The following HIBCH variants were observed in gnomAD, a reference collection of about 807,000 sequenced individuals.
The protein encoded by HIBCH is 3-hydroxyisobutyryl-CoA hydrolase.
In HIBCH, 50 loss-of-function variants were observed where a neutral mutation model predicts 58.2. The ratio of observed to expected loss-of-function variants is 0.86; its 90% CI spans 0.68 to 1.09. The LOEUF (loss-of-function observed/expected upper bound fraction) is 1.09. HIBCH is among the 50% of genes least tolerant of loss of function. HIBCH has a pLI of 0.00. For synonymous variants in HIBCH, 151 were observed against 146.9 expected (o/e 1.03, Z -0.20); for missense variants, 450 against 449.7 (o/e 1.00, Z -0.01).
At chr2:190,301,486 G>A (rs906916) in intron 2 of HIBCH, among the ~76,000 whole-genome samples, 79,764 of 152,034 alleles carry the variant, frequency 0.52, 22,009 homozygotes, top group South Asian at 0.6. Flanking sequence ...GGGAGAGGGA[G>A]TTGGGGGAAG....
chr2:190,202,388 GT>G (rs1690272813), downstream of HIBCH: 1 of 166,990 alleles, frequency 6.0e-6, no homozygotes, highest in African/African-American at 2.4e-5. Flanking sequence ...CAGTGAGCTA[GT>G]GGATAAATCA....
chr2:190,206,601 A>T lies in HIBCH; in HGVS notation c.1046-1369T>A, dbSNP rs1204465717. On this transcript the variant is annotated intron_variant, in intron 13 of 13. Coordinates refer to ENST00000359678, the MANE Select transcript of HIBCH (RefSeq NM_014362.4). This position sits in a 1 kb window ranked among gnomAD's most constrained non-coding sequence, Gnocchi z 5.1. Reference sequence around the variant, plus strand: ...TTTGAGTGGGTATCCAGCTCCACTAAGATGGTCTTTTTTTCTTCTTCTATA... The same window carrying T: ...TTTGAGTGGGTATCCAGCTCCACTATGATGGTCTTTTTTTCTTCTTCTATA... 6.6e-6 allele frequency among the ~76,000 whole-genome samples: 1 copy of T among 152,194 alleles called. No individual in the cohort carries two copies. Among genetic ancestry groups the T allele is most frequent in the Non-Finnish European group, 1.5e-5 (1 of 68,032 alleles).
intron 6 of HIBCH, among the ~76,000 whole-genome samples, chr2:190,278,129 C>T (rs1319090163): frequency 1.3e-5 from 2 of 152,122 alleles, no homozygotes. Context: ...CTAGAATCAT[C>T]ATTACCTGAG....
Position 190,286,613 on chromosome 2 carries a change from C to T in HIBCH, c.438+973G>A, listed in dbSNP as rs995646261. Reference sequence around the variant, plus strand: ...TTCTGACCCCTCACTTCTTCAAAGGCTAATCTTTGTCAGTACCATACAATT... The same window carrying T: ...TTCTGACCCCTCACTTCTTCAAAGGTTAATCTTTGTCAGTACCATACAATT... On this transcript the variant is annotated intron_variant, in intron 6 of 13. Transcript: ENST00000359678. Among the ~76,000 whole-genome samples the T allele has an allele frequency of 3.3e-5, 5 of 152,196 alleles. No individual in the cohort carries two copies. The South Asian group carries it at 8.3e-4, about 25-fold the overall frequency.
At chr2:190,271,224 C>A (rs1687389218) in intron 6 of HIBCH, among the ~76,000 whole-genome samples, 1 of 150,858 alleles carries the variant, frequency 6.6e-6, no homozygotes, top group Non-Finnish European at 1.5e-5. Flanking sequence ...CCCATCAAGT[C>A]TTCTCCAAAA....
chr2:190,246,331 T>C, intron 9 of HIBCH, 119 bp from the exon 10 acceptor site: 1 of 651,020 alleles, frequency 1.5e-6, no homozygotes, highest in Non-Finnish European at 2.7e-6. Flanking sequence ...TCAAATTACA[T>C]CTAACTGTCT....
intron 6 of HIBCH, among the ~76,000 whole-genome samples, chr2:190,273,555 A>G (rs1354201010): frequency 6.6e-6 from 1 of 152,186 alleles, no homozygotes; most frequent in Non-Finnish European, 1.5e-5. Flanking sequence ...TGAATAATCA[A>G]TATAGATAAA....
At chr2:190,223,310 G>A (rs1424628622) in intron 11 of HIBCH, among the ~76,000 whole-genome samples, 1 of 152,282 alleles carries the variant, frequency 6.6e-6, no homozygotes, top group East Asian at 1.9e-4. Context: ...ATGTTGCCCA[G>A]GCTGGCCTCA....
chr2:190,240,660 G>A (rs1246928344), intron 11 of HIBCH, among the ~76,000 whole-genome samples: 5 of 152,148 alleles, frequency 3.3e-5, no homozygotes, highest in African/African-American at 1.2e-4. Flanking sequence ...TGCTTTAGCT[G>A]TGTTGTGATT....
At chr2:190,191,759 G>C (rs918204093) in intron 1 of HIBCH, among the ~76,000 whole-genome samples, 1 of 152,126 alleles carries the variant, frequency 6.6e-6, no homozygotes, top group Non-Finnish European at 1.5e-5. Flanking sequence ...GCTATCTATA[G>C]GTGGTACCAA....
downstream of HIBCH, chr2:190,203,414 T>C (rs1027419505): frequency 1.8e-5 from 3 of 166,986 alleles, no homozygotes; most frequent in Non-Finnish European, 2.9e-5. Context: ...TGAAGTGGTA[T>C]ATTTTTTCCA....
At chr2:190,249,864 A>G in intron 8 of HIBCH, 138 bp from the exon 9 acceptor site, 1 of 667,916 alleles carries the variant, frequency 1.5e-6, no homozygotes. Flanking sequence ...CACTGAAAGA[A>G]ATTTTGACTT....
chr2:190,225,558 A>G (rs1201603163), intron 11 of HIBCH, among the ~76,000 whole-genome samples: 1 of 152,222 alleles, frequency 6.6e-6, no homozygotes, highest in Non-Finnish European at 1.5e-5. Flanking sequence ...TACCCTCCCA[A>G]GACTAAACCA....
intron 2 of HIBCH, among the ~76,000 whole-genome samples, chr2:190,305,102 C>A (rs562535904): frequency 7.6e-4 from 116 of 151,850 alleles, no homozygotes; most frequent in Non-Finnish European, 1.3e-3. Flanking sequence ...AGGCAAAATG[C>A]GGTGGTTGAG....
chr2:190,237,538 C>T (rs1686311280), intron 11 of HIBCH, among the ~76,000 whole-genome samples: 1 of 151,948 alleles, frequency 6.6e-6, no homozygotes, highest in African/African-American at 2.4e-5. Flanking sequence ...TGTGTGGACT[C>T]GTGTTTACAC....
chr2:190,247,965 T>A (rs1033169942), intron 9 of HIBCH, among the ~76,000 whole-genome samples: 1 of 152,192 alleles, frequency 6.6e-6, no homozygotes, highest in African/African-American at 2.4e-5. Context: ...AACCAAAACA[T>A]TCATGTGACT....
intron 2 of HIBCH, among the ~76,000 whole-genome samples, chr2:190,299,673 T>C (rs905293125): frequency 6.6e-6 from 1 of 152,200 alleles, no homozygotes; most frequent in Non-Finnish European, 1.5e-5. Flanking sequence ...GGTTTTGTTT[T>C]TGTTTTTTTA....
At chr2:190,288,391 T>C (rs911781248) in intron 5 of HIBCH, among the ~76,000 whole-genome samples, 1 of 150,992 alleles carries the variant, frequency 6.6e-6, no homozygotes, top group Non-Finnish European at 1.5e-5. Context: ...TCTTAAAGAA[T>C]TTGGAAACAA....
chr2:190,244,106 T>C (rs1055585059), intron 11 of HIBCH, among the ~76,000 whole-genome samples: 5 of 151,858 alleles, frequency 3.3e-5, no homozygotes, highest in African/African-American at 4.8e-5. Flanking sequence ...ATAGAAAACA[T>C]TATGGAATCA....
Sources: gnomAD v4.1 joint callset for allele counts (sites outside exome capture counted in the v4.1 genomes callset) on GRCh38, gnomAD v4.1.1 for gene constraint, Gnocchi (gnomAD v3.1) non-coding constraint, MANE v1.5 for transcripts, NCBI Gene and HGNC (gene_info 2026-07-23, HGNC 2026-07-21) for gene names.